CRACR2A: variants seen among roughly 807,000 people sequenced by gnomAD.
The protein encoded by CRACR2A is EF-hand calcium-binding domain-containing protein 4B.
CRACR2A carries 79 observed loss-of-function variants against 90.5 expected under a neutral mutation model. The ratio of observed to expected loss-of-function variants is 0.87; its 90% CI spans 0.73 to 1.05. The LOEUF is 1.05. Among genes scored for constraint, CRACR2A ranks in the 50% least tolerant of loss-of-function variants. The probability of loss-of-function intolerance (pLI) is 0.00; values close to 1 mark genes in which losing one functional copy is unlikely to be tolerated. For synonymous variants in CRACR2A, 338 were observed against 356.7 expected (o/e 0.95, Z 0.59); for missense variants, 823 against 897.2 (o/e 0.92, Z 1.06).
chr12:3,692,276 T>C (rs543442225), intron 4 of CRACR2A, among the ~76,000 whole-genome samples: 4 of 152,230 alleles, frequency 2.6e-5, no homozygotes, highest in Non-Finnish European at 5.9e-5. Flanking sequence ...CTGATGTTTC[T>C]TTAGTCTTTG....
chr12:3,685,851 C>T (rs1216291918), intron 4 of CRACR2A, among the ~76,000 whole-genome samples: 1 of 152,212 alleles, frequency 6.6e-6, no homozygotes, highest in Non-Finnish European at 1.5e-5. Flanking sequence ...TGTCACTGAA[C>T]TGCACACATA....
chr12:3,640,638 C>T (rs995957645), intron 13 of CRACR2A: 1 of 1,305,240 alleles, frequency 7.7e-7, no homozygotes, highest in Non-Finnish European at 1.0e-6. Context: ...TGATCAGGCC[C>T]AAAGGTTTTA....
At chr12:3,651,742 G>T (rs537270764) in intron 10 of CRACR2A, among the ~76,000 whole-genome samples, 20 of 152,274 alleles carry the variant, frequency 1.3e-4, no homozygotes, top group African/African-American at 4.8e-4. Flanking sequence ...CTGTCAGAGA[G>T]CATGGGACTA....
At chr12:3,659,479 G>T in intron 8 of CRACR2A, 85 bp downstream of exon 8, 1 of 1,189,904 alleles carries the variant, frequency 8.4e-7, no homozygotes, top group East Asian at 2.4e-5. Flanking sequence ...TGCATGGATG[G>T]GGGCACCAAA....
intron 4 of CRACR2A, among the ~76,000 whole-genome samples, chr12:3,688,488 C>G (rs1034475024): frequency 2.6e-5 from 4 of 152,174 alleles, no homozygotes; most frequent in Non-Finnish European, 4.4e-5. Context: ...TGTCAAAGAT[C>G]AGATGGTTGT....
chr12:3,685,733 C>T (rs941906168), intron 4 of CRACR2A, among the ~76,000 whole-genome samples: 39 of 152,084 alleles, frequency 2.6e-4, no homozygotes, highest in African/African-American at 8.7e-4. Flanking sequence ...TGGGAGTGGG[C>T]GAAATGAGGA....
intron 1 of CRACR2A, among the ~76,000 whole-genome samples, chr12:3,737,663 A>C (rs1009784489): frequency 6.6e-6 from 1 of 152,138 alleles, no homozygotes; most frequent in African/African-American, 2.4e-5. Context: ...TAGAGGTGGA[A>C]TCAAGAGGAC....
intron 4 of CRACR2A, among the ~76,000 whole-genome samples, chr12:3,691,829 G>C (rs1945654560): frequency 6.6e-6 from 1 of 152,132 alleles, no homozygotes; most frequent in Non-Finnish European, 1.5e-5. Flanking sequence ...ATTTCTCAGA[G>C]GTTTTATTCA....
intron 4 of CRACR2A, among the ~76,000 whole-genome samples, chr12:3,689,534 G>T (rs1945618196): frequency 6.6e-6 from 1 of 152,178 alleles, no homozygotes; most frequent in Non-Finnish European, 1.5e-5. Context: ...GCATCCCAGG[G>T]ATAAAGCTTA....
chr12:3,724,912 A>C (rs1393167972), intron 2 of CRACR2A, among the ~76,000 whole-genome samples: 1 of 152,180 alleles, frequency 6.6e-6, no homozygotes, highest in Non-Finnish European at 1.5e-5. Context: ...TTTTGGTCTA[A>C]GGAGGCGCAG....
Position 3,615,440 on chromosome 12 carries a change from CT to C in CRACR2A, c.2112-2del. 6.5e-7 allele frequency: 1 copy of C among 1,549,234 alleles called. No homozygotes were observed. Among genetic ancestry groups the C allele is most frequent in the Non-Finnish European group, 8.7e-7 (1 of 1,145,634 alleles). On this transcript the variant is annotated splice_acceptor_variant, in intron 19 of 19. Coordinates refer to ENST00000440314, the MANE Select transcript of CRACR2A (RefSeq NM_001144958.2). LOFTEE classifies it high-confidence loss of function. The stretch of plus-strand genomic sequence containing the variant: ...TGTGTCTTCTTGCTCCTTGAGGAAC[CT>C]GGGAGAGGGGAAGAGATCGTGTCAG...
intron 2 of CRACR2A, among the ~76,000 whole-genome samples, chr12:3,722,753 AC>A (rs1466938963): frequency 1.7e-4 from 26 of 152,184 alleles, no homozygotes; most frequent in African/African-American, 4.8e-5. Flanking sequence ...TCTCTCATCC[AC>A]TGGCTTTTTC....
intron 1 of CRACR2A, among the ~76,000 whole-genome samples, chr12:3,743,292 G>T (rs999064070): frequency 1.3e-5 from 2 of 152,212 alleles, no homozygotes; most frequent in Non-Finnish European, 2.9e-5. Flanking sequence ...ACTTCAAGCT[G>T]CAGTTCAATG....
intron 19 of CRACR2A, 45 bp downstream of exon 19, chr12:3,616,909 A>C: frequency 6.9e-7 from 1 of 1,439,306 alleles, no homozygotes; most frequent in Non-Finnish European, 9.6e-7. Flanking sequence ...AGGCAGACAC[A>C]GCTGGACACA....
At chr12:3,664,719 C>T (rs1379748092) in intron 7 of CRACR2A, among the ~76,000 whole-genome samples, 1 of 152,184 alleles carries the variant, frequency 6.6e-6, no homozygotes, top group Admixed American at 6.5e-5. Context: ...TCAAAACACT[C>T]CTTCTGGCCG....
intron 4 of CRACR2A, among the ~76,000 whole-genome samples, chr12:3,685,982 G>T (rs1362235553): frequency 6.6e-6 from 1 of 152,146 alleles, no homozygotes; most frequent in African/African-American, 2.4e-5. Flanking sequence ...GCATTTCCAG[G>T]GATTTCCAGG....
At chr12:3,751,285 G>A (rs781423892) in intron 1 of CRACR2A, among the ~76,000 whole-genome samples, 10 of 152,014 alleles carry the variant, frequency 6.6e-5, no homozygotes, top group Non-Finnish European at 1.2e-4. Context: ...AAGCCTTTTA[G>A]CCCCTTCCTG....
intron 13 of CRACR2A, among the ~76,000 whole-genome samples, chr12:3,640,007 G>C (rs759047551): frequency 5.9e-5 from 9 of 152,178 alleles, no homozygotes; most frequent in Admixed American, 1.3e-4. Context: ...CACACACACA[G>C]AGCATGTTTT....
intron 1 of CRACR2A, among the ~76,000 whole-genome samples, chr12:3,751,412 T>C (rs1946700386): frequency 6.6e-6 from 1 of 152,162 alleles, no homozygotes; most frequent in Non-Finnish European, 1.5e-5. Flanking sequence ...GCAGATGACA[T>C]GTTCTTCTGA....
Sources: allele counts gnomAD v4.1 joint callset (sites outside exome capture counted in the v4.1 genomes callset), GRCh38; gene constraint gnomAD v4.1.1; transcripts MANE v1.5; gene names NCBI Gene and HGNC (gene_info 2026-07-23, HGNC 2026-07-21).